PDLIM2: variants seen among roughly 807,000 people sequenced by gnomAD.
The protein encoded by PDLIM2 is PDZ and LIM domain 2.
Under a neutral mutation model 54.1 loss-of-function variants are expected in PDLIM2, and 51 were observed. The ratio of observed to expected loss-of-function variants is 0.94; its 90% CI spans 0.75 to 1.19. PDLIM2 has a LOEUF of 1.19. PDLIM2 is among the 50% of genes most tolerant of loss of function. PDLIM2 has a pLI of 0.00. For synonymous variants in PDLIM2, 398 were observed against 385.6 expected (o/e 1.03, Z -0.38); for missense variants, 912 against 874.0 (o/e 1.04, Z -0.55).
intron 3 of PDLIM2, among the ~76,000 whole-genome samples, chr8:22,582,445 C>T (rs935290219): frequency 6.6e-6 from 1 of 152,128 alleles, no homozygotes; most frequent in East Asian, 1.9e-4. Flanking sequence ...GGTCTGGCAG[C>T]GGAAGGGCAG....
chr8:22,585,423 G>T, intron 6 of PDLIM2, 24 bp downstream of exon 5: 1 of 1,588,622 alleles, frequency 6.3e-7, no homozygotes, highest in Non-Finnish European at 8.6e-7. Context: ...GGGGAGGACA[G>T]GCTGGAGGAA....
exon 6 of PDLIM2, chr8:22,585,385 C>A (rs1800345352): frequency 6.2e-7 from 1 of 1,610,670 alleles, no homozygotes; most frequent in Non-Finnish European, 8.5e-7. Flanking sequence ...CTCAGGCCGC[C>A]CTGGAAGCCG....
chr8:22,593,766 C>T (rs1256893287), exon 10 of PDLIM2: 1 of 1,602,246 alleles, frequency 6.2e-7, no homozygotes, highest in Non-Finnish European at 8.5e-7. Flanking sequence ...AGGGCCGGTA[C>T]CGCCACCCCG....
intron 9 of PDLIM2, 63 bp from the exon 9 acceptor site, chr8:22,593,670 T>C: frequency 7.0e-7 from 1 of 1,423,264 alleles, no homozygotes; most frequent in Non-Finnish European, 9.5e-7. Flanking sequence ...CCAGGCCCCC[T>C]GGGCATGGTG....
At chr8:22,594,933 A>T (rs1679266363), downstream of PDLIM2, 1 of 324,260 alleles carries the variant, frequency 3.1e-6, no homozygotes. Flanking sequence ...GTTGAAAAAA[A>T]CACAAAAACA....
rs936164350 is a variant in PDLIM2, at chr8:22,589,910, T to A, written c.1513+169T>A. ...GCCCCAGCCCCTGCCCATAAGGAGC[T>A]GACGGTCCGGGAGGGTCCGGGAGGG... On this transcript the variant is annotated intron_variant, in intron 8 of 9. Coordinates refer to ENST00000308354, the Ensembl canonical transcript of PDLIM2. 5.4e-6 allele frequency: 5 copies of A among 933,426 alleles called. No individual in the cohort carries two copies. In the African/African-American group the frequency reaches 6.8e-5, roughly 13 times the overall value. 57.8% of individuals were successfully genotyped at this position (933,426 alleles called of 1,614,324 possible). A position where few individuals can be genotyped will look rare whatever the true frequency, so the allele number is the denominator to read the frequency against.
intron 3 of PDLIM2, 72 bp downstream of exon 2, chr8:22,581,602 G>T: frequency 2.0e-6 from 3 of 1,489,184 alleles, no homozygotes. Context: ...AGCAGCCCTT[G>T]CTCCTGCCCA....
chr8:22,588,919 G>A (rs369192534), intron 6 of PDLIM2: 2 of 308,248 alleles, frequency 6.5e-6, no homozygotes, highest in South Asian at 3.7e-5. Flanking sequence ...TGCTGGTTCC[G>A]TGGGATCGGA....
chr8:22,594,546 T>C (rs760528500), downstream of PDLIM2: 1 of 1,614,052 alleles, frequency 6.2e-7, no homozygotes, highest in Non-Finnish European at 8.5e-7. Context: ...GCTTGTGCTA[T>C]GGAGGGAATG....
intron 3 of PDLIM2, among the ~76,000 whole-genome samples, chr8:22,584,533 A>G (rs778234763): frequency 2.6e-5 from 4 of 151,614 alleles, no homozygotes; most frequent in African/African-American, 7.3e-5. Flanking sequence ...CTGGTCTTGA[A>G]CTCTTGGGCT....
intron 6 of PDLIM2, chr8:22,588,686 G>A (rs1375467046): frequency 6.5e-6 from 1 of 153,372 alleles, no homozygotes; most frequent in Non-Finnish European, 1.5e-5. Context: ...GTGGCCCAGG[G>A]AGGGCTCGGC....
chr8:22,589,845 C>G, intron 8 of PDLIM2, 104 bp downstream of exon 7: 1 of 1,454,094 alleles, frequency 6.9e-7, no homozygotes, highest in African/African-American at 1.4e-5. Context: ...CTGTGAGGTG[C>G]TCACCCCAGG....
At chr8:22,580,636 C>T (rs768137773) in exon 2 of PDLIM2, 10 of 1,613,890 alleles carry the variant, frequency 6.2e-6, no homozygotes, top group South Asian at 2.2e-5. Flanking sequence ...GCCGGGCCAG[C>T]GCCCTGGGGC....
chr8:22,579,360 C>A, exon 1 of PDLIM2: 1 of 1,473,796 alleles, frequency 6.8e-7, no homozygotes, highest in South Asian at 1.3e-5. Flanking sequence ...GCGGGGGCGC[C>A]CCCGCGAGCT....
intron 3 of PDLIM2, among the ~76,000 whole-genome samples, chr8:22,583,296 G>A (rs1324665784): frequency 6.6e-6 from 1 of 152,042 alleles, no homozygotes; most frequent in African/African-American, 2.4e-5. Flanking sequence ...TTGTTTAACT[G>A]GGGAGACCCC....
At chr8:22,579,680 C>T in intron 1 of PDLIM2, 3 of 956,626 alleles carry the variant, frequency 3.1e-6, no homozygotes, top group Non-Finnish European at 2.9e-6. Context: ...GCAGCACTTG[C>T]GTCCCCAGGG....
intron 6 of PDLIM2, 195 bp from the exon 6 acceptor site, chr8:22,589,103 G>T (rs1455506969): frequency 1.2e-5 from 6 of 502,542 alleles, no homozygotes; most frequent in Non-Finnish European, 1.8e-5. Context: ...GAGGGAAGGG[G>T]CAGGGGGCCC....
intron 3 of PDLIM2, among the ~76,000 whole-genome samples, chr8:22,583,416 C>T (rs1800269924): frequency 6.6e-6 from 1 of 152,162 alleles, no homozygotes; most frequent in Non-Finnish European, 1.5e-5. Flanking sequence ...AGCTCACTTT[C>T]CCTCTCTGGG....
intron 3 of PDLIM2, among the ~76,000 whole-genome samples, chr8:22,584,279 G>A (rs1331075579): frequency 6.6e-6 from 1 of 151,676 alleles, no homozygotes; most frequent in Non-Finnish European, 1.5e-5. Flanking sequence ...CTCCCAAAGT[G>A]CTGGGATTAC....
Sources: allele counts gnomAD v4.1 joint callset (sites outside exome capture counted in the v4.1 genomes callset), GRCh38; gene constraint gnomAD v4.1.1; transcripts MANE v1.5; gene names NCBI Gene and HGNC (gene_info 2026-07-23, HGNC 2026-07-21).